The following SCFD2 variants were observed in gnomAD, a reference collection of about 807,000 sequenced individuals.
The protein encoded by SCFD2 is sec1 family domain-containing protein 2.
Under a neutral mutation model 58.9 loss-of-function variants are expected in SCFD2, and 54 were observed. That is an observed-to-expected ratio of 0.92 (90% CI 0.74 to 1.15). The LOEUF is 1.15. Among genes scored for constraint, SCFD2 ranks in the 50% most tolerant of loss-of-function variants. The pLI, the probability that SCFD2 is intolerant of heterozygous loss-of-function variation, is 0.00. For missense variants in SCFD2, 805 were observed against 836.6 expected (o/e 0.96, Z 0.47); for synonymous variants, 321 against 335.9 (o/e 0.96, Z 0.49).
intron 3 of SCFD2, among the ~76,000 whole-genome samples, chr4:53,294,537 A>C (rs1731954936): frequency 6.6e-6 from 1 of 152,188 alleles, no homozygotes; most frequent in Non-Finnish European, 1.5e-5. Flanking sequence ...TCTGGATATT[A>C]GCCCTTTGTC....
intron 3 of SCFD2, among the ~76,000 whole-genome samples, chr4:53,278,355 T>C (rs1731398060): frequency 7.4e-6 from 1 of 135,432 alleles, no homozygotes; most frequent in African/African-American, 2.9e-5. Context: ...AGAGACTCCA[T>C]CTTAAAAAAA....
At position 53,044,906 on chromosome 4, in the gene SCFD2, AC is replaced by A. The variant is rs1553872108; in HGVS notation, c.1561+100426del. On this transcript the variant is annotated intron_variant, in intron 5 of 8. Coordinates refer to ENST00000401642, the MANE Select transcript of SCFD2 (RefSeq NM_152540.4). ...ACCCCAATTCCCACCTCCACCCCCA[AC>A]CCCCCCCCCCCGCCCACAAAAAACT... 1.2e-3 allele frequency among the ~76,000 whole-genome samples: 21 copies of A among 18,064 alleles called. 3 individuals are homozygous for A. The highest frequency in any genetic ancestry group is 6.5e-3 in the African/African-American group (20 of 3,088). The allele number at this position is 18,064 out of a possible 152,430, so 11.9% of individuals were successfully genotyped here. A position where few individuals can be genotyped will look rare whatever the true frequency, so the allele number is the denominator to read the frequency against.
intron 7 of SCFD2, among the ~76,000 whole-genome samples, chr4:52,902,402 T>C (rs764003799): frequency 6.6e-6 from 1 of 152,254 alleles, no homozygotes. Flanking sequence ...CAGCACTCTA[T>C]GTCTTTCTGA....
At chr4:52,962,674 G>C (rs1040377409) in intron 5 of SCFD2, among the ~76,000 whole-genome samples, 2 of 151,498 alleles carry the variant, frequency 1.3e-5, no homozygotes, top group East Asian at 1.9e-4. Context: ...ATAGTTTAGA[G>C]GGGGGCAGCA....
chr4:53,326,943 C>T (rs1577969785), intron 2 of SCFD2, among the ~76,000 whole-genome samples: 1 of 150,892 alleles, frequency 6.6e-6, no homozygotes, highest in Admixed American at 6.6e-5. Flanking sequence ...TAAGTAGGTA[C>T]TGATCACTTA....
intron 5 of SCFD2, among the ~76,000 whole-genome samples, chr4:53,123,535 G>A (rs906874824): frequency 5.9e-5 from 8 of 136,328 alleles, no homozygotes; most frequent in Non-Finnish European, 1.2e-4. Flanking sequence ...ATGGGGGTGG[G>A]GGGGGGGCAC....
rs1013877020 is a variant in SCFD2 at position 52,892,027 on chromosome 4, G to T, written c.1843-6161C>A. On this transcript the variant is annotated intron_variant, in intron 7 of 8. Transcript: ENST00000401642. ...ATAGTTCAATGCCTCACACATGCCA[G>T]TGTCCCCAGATTGCTACCACTGGCC... Among the ~76,000 whole-genome samples, 10 of 152,328 alleles carry T rather than the reference G, an allele frequency of 6.6e-5. No individual in the cohort carries two copies. The East Asian group carries it at 9.6e-4, about 15-fold the overall frequency.
chr4:53,035,170 C>T (rs1255977181), intron 5 of SCFD2, among the ~76,000 whole-genome samples: 3 of 152,130 alleles, frequency 2.0e-5, no homozygotes, highest in African/African-American at 7.2e-5. Flanking sequence ...AATAACACCA[C>T]ACATCTACAA....
At chr4:52,943,050 T>C (rs1045199200) in intron 5 of SCFD2, among the ~76,000 whole-genome samples, 41 of 152,036 alleles carry the variant, frequency 2.7e-4, no homozygotes, top group Admixed American at 1.6e-3. Flanking sequence ...AAAAATAATT[T>C]AAACAAAACA....
intron 1 of SCFD2, among the ~76,000 whole-genome samples, chr4:53,362,990 A>G (rs1734588266): frequency 6.6e-6 from 1 of 152,128 alleles, no homozygotes; most frequent in South Asian, 2.1e-4. Context: ...AGTGGCTTAT[A>G]TTTTCTCAGT....
At chr4:52,899,459 AGAATGTT>A (rs1719121185) in intron 7 of SCFD2, among the ~76,000 whole-genome samples, 1 of 152,150 alleles carries the variant, frequency 6.6e-6, no homozygotes, top group Admixed American at 6.6e-5. Flanking sequence ...CTTTTCTTTA[AGAATGTT>A]GAATACTGGC....
At chr4:53,193,441 G>A (rs189901652) in intron 4 of SCFD2, among the ~76,000 whole-genome samples, 17 of 152,250 alleles carry the variant, frequency 1.1e-4, no homozygotes, top group Admixed American at 5.9e-4. Flanking sequence ...TTGAGGCATC[G>A]TGTCACTACA....
chr4:53,119,760 T>C (rs1413161424), intron 5 of SCFD2, among the ~76,000 whole-genome samples: 8 of 152,134 alleles, frequency 5.3e-5, no homozygotes, highest in Admixed American at 5.2e-4. Context: ...AATTGAGGTA[T>C]TCCAACAACA....
intron 5 of SCFD2, among the ~76,000 whole-genome samples, chr4:53,125,343 ATAT>A (rs1468094123): frequency 6.6e-6 from 1 of 152,098 alleles, no homozygotes; most frequent in African/African-American, 2.4e-5. Context: ...TTCTTCCAGC[ATAT>A]TATAACACGT....
chr4:53,092,171 T>G (rs1369309206), intron 5 of SCFD2, among the ~76,000 whole-genome samples: 1 of 152,190 alleles, frequency 6.6e-6, no homozygotes, highest in Non-Finnish European at 1.5e-5. Context: ...AGGCCAAGCC[T>G]TGTGCTAGAA....
intron 5 of SCFD2, among the ~76,000 whole-genome samples, chr4:53,044,892 C>T (rs1722993819): frequency 2.0e-5 from 1 of 50,762 alleles, no homozygotes; most frequent in Non-Finnish European, 3.4e-5. Flanking sequence ...CCCCAATTCC[C>T]ACCTCCACCC....
chr4:53,353,440 T>C (rs1219830021), intron 1 of SCFD2, among the ~76,000 whole-genome samples: 4 of 152,208 alleles, frequency 2.6e-5, no homozygotes, highest in Middle Eastern at 6.8e-3. Context: ...GCTCCAACAG[T>C]GTGGTAAGGG....
chr4:52,910,687 C>T (rs1719463416), intron 6 of SCFD2, among the ~76,000 whole-genome samples: 2 of 152,136 alleles, frequency 1.3e-5, no homozygotes, highest in Non-Finnish European at 1.5e-5. Flanking sequence ...TGTGTCCCTA[C>T]CCAAATCTCA....
chr4:53,182,700 A>G (rs1024198510), intron 4 of SCFD2, among the ~76,000 whole-genome samples: 3 of 152,200 alleles, frequency 2.0e-5, no homozygotes, highest in Non-Finnish European at 2.9e-5. Flanking sequence ...AGAAACTACC[A>G]TCATAGTCAA....
Sources: allele counts gnomAD v4.1 joint callset (sites outside exome capture counted in the v4.1 genomes callset), GRCh38; gene constraint gnomAD v4.1.1; transcripts MANE v1.5; gene names NCBI Gene and HGNC (gene_info 2026-07-23, HGNC 2026-07-21).